The following SLC35F2 variants were observed in gnomAD, a reference collection of about 807,000 sequenced individuals.
The protein encoded by SLC35F2 is queuine/queuosine transporter SLC35F2.
In SLC35F2, 25 loss-of-function variants were observed where a neutral mutation model predicts 38.1. The ratio of observed to expected loss-of-function variants is 0.66; its 90% CI spans 0.48 to 0.92. The LOEUF is 0.92. Ranked by LOEUF, SLC35F2 falls within the 40% of genes least tolerant of loss-of-function variation. The probability of loss-of-function intolerance (pLI) is 0.00; values close to 1 mark genes in which losing one functional copy is unlikely to be tolerated. For synonymous variants in SLC35F2, 173 were observed against 181.7 expected (o/e 0.95, Z 0.38); for missense variants, 409 against 452.9 (o/e 0.90, Z 0.88).
chr11:107,839,536 T>C (rs1859984167), intron 1 of SLC35F2, among the ~76,000 whole-genome samples: 1 of 152,238 alleles, frequency 6.6e-6, no homozygotes, highest in South Asian at 2.1e-4. Context: ...TATGGTTATA[T>C]GTTCTACAAT....
intron 1 of SLC35F2, among the ~76,000 whole-genome samples, chr11:107,852,586 C>T (rs1860204113): frequency 6.7e-6 from 1 of 148,640 alleles, no homozygotes; most frequent in South Asian, 2.2e-4. Context: ...CAAAATTAAA[C>T]TGGCTGGGCG....
At chr11:107,821,406 A>T (rs1859670036) in intron 1 of SLC35F2, 1 of 985,254 alleles carries the variant, frequency 1.0e-6, no homozygotes, top group Middle Eastern at 5.2e-4. Context: ...GCTCCAAATC[A>T]TAATGACCTC....
At chr11:107,801,982 T>C (rs1224190189) in intron 7 of SLC35F2, among the ~76,000 whole-genome samples, 1 of 152,148 alleles carries the variant, frequency 6.6e-6, no homozygotes, top group African/African-American at 2.4e-5. Flanking sequence ...CTCACACCTA[T>C]AATCCCAGCA....
At chr11:107,820,231 G>C (rs182803191) in intron 1 of SLC35F2, among the ~76,000 whole-genome samples, 2 of 149,042 alleles carry the variant, frequency 1.3e-5, no homozygotes, top group Non-Finnish European at 3.0e-5. Flanking sequence ...CTCCAGCCTG[G>C]GCAAAAGAGT....
intron 1 of SLC35F2, among the ~76,000 whole-genome samples, chr11:107,842,694 G>C (rs1351452256): frequency 1.3e-5 from 2 of 152,162 alleles, no homozygotes; most frequent in African/African-American, 4.8e-5. Context: ...TAATTTAGGA[G>C]TGGAAATTGG....
chr11:107,811,612 C>T (rs903962517), intron 3 of SLC35F2, 55 bp downstream of exon 3: 19 of 1,507,574 alleles, frequency 1.3e-5, no homozygotes, highest in East Asian at 2.3e-5. Flanking sequence ...CATATGACTT[C>T]GTGTTCTTCT....
At chr11:107,798,160 T>G (rs1288529929) in intron 7 of SLC35F2, among the ~76,000 whole-genome samples, 1 of 152,014 alleles carries the variant, frequency 6.6e-6, no homozygotes, top group African/African-American at 2.4e-5. Flanking sequence ...CCCGCCATCA[T>G]GCCCAGCTAG....
chr11:107,818,778 T>C (rs1423912501), intron 1 of SLC35F2, among the ~76,000 whole-genome samples: 1 of 152,218 alleles, frequency 6.6e-6, no homozygotes, highest in Non-Finnish European at 1.5e-5. Flanking sequence ...CTTTTTCTTT[T>C]TTGTTTTCAT....
chr11:107,841,889 C>T (rs1860016769), intron 1 of SLC35F2, among the ~76,000 whole-genome samples: 1 of 151,652 alleles, frequency 6.6e-6, no homozygotes. Context: ...ATAGTGAAAC[C>T]CCGTTTCTAC....
At chr11:107,858,283 G>A (rs1411602645) in intron 1 of SLC35F2, among the ~76,000 whole-genome samples, 1 of 151,966 alleles carries the variant, frequency 6.6e-6, no homozygotes, top group African/African-American at 2.4e-5. Context: ...CCAGGAAGTG[G>A]CGCTCACCCA....
rs552472823 is a variant in SLC35F2 at position 107,798,612 on chromosome 11, A to G, written c.939+4389T>C. ...CTTGCGATTACTTTATTCAGCAAAT[A>G]TTCACTCAAGATCAATTTCAGGAGA... is the stretch of plus-strand genomic sequence containing the variant. On this transcript the variant is annotated intron_variant, in intron 7 of 7. Coordinates refer to ENST00000525815, the MANE Select transcript of SLC35F2 (RefSeq NM_017515.5). Among the ~76,000 whole-genome samples the G allele has an allele frequency of 6.8e-4, 104 of 152,338 alleles. 2 individuals are homozygous for G. In the South Asian group the frequency reaches 0.021, roughly 31 times the overall value.
At position 107,792,741 on chromosome 11, in the gene SLC35F2, G is replaced by A. The variant is rs773315166; in HGVS notation, c.999C>T (p.Cys333=). 3.7e-6 allele frequency: 6 copies of A among 1,613,726 alleles called. No homozygotes were observed. Among genetic ancestry groups the A allele is most frequent in the Non-Finnish European group, 5.1e-6 (6 of 1,179,898 alleles). Residue 333 remains cysteine, a synonymous_variant, in exon 8 of 8, where the codon TGC becomes TGT. Transcript: ENST00000525815. ...GCTCGGCCGTGCGAGTAGGGGTGGA[G>A]CAGTACAGGATAAACCCCACCATGA... ...TVIMVGFILY[C]STPTRTAEPA... is the part of the protein sequence containing the mutation.
chr11:107,851,489 T>TAA (rs34329358), intron 1 of SLC35F2, among the ~76,000 whole-genome samples: 2,609 of 124,694 alleles, frequency 0.021, 86 homozygotes, highest in African/African-American at 0.072. Context: ...AAAAATAAAT[T>TAA]AAAAAAAAAA....
At chr11:107,854,174 G>A (rs1294516912) in intron 1 of SLC35F2, among the ~76,000 whole-genome samples, 1 of 152,068 alleles carries the variant, frequency 6.6e-6, no homozygotes. Context: ...GGCCACTCTT[G>A]TAATCCCAAC....
At chr11:107,835,123 C>A (rs987468309) in intron 1 of SLC35F2, among the ~76,000 whole-genome samples, 2 of 152,212 alleles carry the variant, frequency 1.3e-5, no homozygotes, top group African/African-American at 2.4e-5. Flanking sequence ...AAATCATTAA[C>A]ACGCACACTC....
intron 7 of SLC35F2, among the ~76,000 whole-genome samples, chr11:107,802,778 G>A (rs7109212): frequency 0.15 from 22,869 of 152,090 alleles, 2,770 homozygotes; most frequent in East Asian, 0.42. Context: ...CCATACCATC[G>A]AAGATGAAAT....
chr11:107,837,785 C>T (rs1859954737), intron 1 of SLC35F2, among the ~76,000 whole-genome samples: 1 of 152,044 alleles, frequency 6.6e-6, no homozygotes, highest in South Asian at 2.1e-4. Flanking sequence ...ATTCCTATGA[C>T]ATTTTGGTTG....
At chr11:107,847,372 G>A (rs764042164) in intron 1 of SLC35F2, among the ~76,000 whole-genome samples, 9 of 152,100 alleles carry the variant, frequency 5.9e-5, no homozygotes, top group Non-Finnish European at 1.2e-4. Flanking sequence ...TTTCATAAAG[G>A]TACCAAAACT....
chr11:107,803,779 A>G (rs2134771705), intron 6 of SLC35F2, among the ~76,000 whole-genome samples: 1 of 76,984 alleles, frequency 1.3e-5, no homozygotes, highest in African/African-American at 3.1e-5. Context: ...CATACTCAAC[A>G]CACACACACA....
Sources: allele counts gnomAD v4.1 joint callset (sites outside exome capture counted in the v4.1 genomes callset), GRCh38; gene constraint gnomAD v4.1.1; transcripts MANE v1.5; gene names NCBI Gene and HGNC (gene_info 2026-07-23, HGNC 2026-07-21).